Variants in IRF2 observed in about 807,000 individuals in gnomAD.
The protein encoded by IRF2 is interferon regulatory factor 2.
IRF2 carries 15 observed loss-of-function variants against 40.6 expected under a neutral mutation model. That is an observed-to-expected ratio of 0.37 (90% CI 0.25 to 0.57). The LOEUF (loss-of-function observed/expected upper bound fraction) is 0.57, where lower values mean the gene tolerates loss of function less well. IRF2 is among the 20% of genes least tolerant of loss of function. The probability of loss-of-function intolerance (pLI) is 0.77; values close to 1 mark genes in which losing one functional copy is unlikely to be tolerated. For missense variants in IRF2, 317 were observed against 455.7 expected (o/e 0.70, Z 2.77); for synonymous variants, 151 against 165.5 (o/e 0.91, Z 0.67).
At position 184,424,121 on chromosome 4, in the gene IRF2, C is replaced by CAAA. The variant is rs1737584011; in HGVS notation, c.88-4554_88-4553insTTT. 2.0e-5 allele frequency among the ~76,000 whole-genome samples: 3 copies of CAAA among 152,234 alleles called. No homozygotes were observed. In the South Asian group the frequency reaches 6.2e-4, roughly 32 times the overall value. ...AAATATTCATACATCTAGATACAGGCATATGAAAATTTGCTATCCTATTTC... is the reference window on the plus strand; with the variant it reads ...AAATATTCATACATCTAGATACAGGCAAAATATGAAAATTTGCTATCCTATTTC... On this transcript the variant is annotated intron_variant, in intron 2 of 8. Transcript: ENST00000393593.
At chr4:184,426,704 A>G (rs544562163) in intron 2 of IRF2, among the ~76,000 whole-genome samples, 2 of 152,326 alleles carry the variant, frequency 1.3e-5, no homozygotes, top group East Asian at 3.9e-4. Flanking sequence ...CACCTGCTCA[A>G]CAGGAGAGGT....
rs571607656 is a variant in IRF2 at position 184,448,694 on chromosome 4, T to C, written c.-6-19624A>G. The C allele has an allele frequency of 6.6e-6, 1 of 152,314 alleles. No individual in the cohort carries two copies. Among genetic ancestry groups the C allele is most frequent in the South Asian group, 2.1e-4 (1 of 4,828 alleles). The allele number at this position is 152,314 out of a possible 1,614,324, so 9.4% of individuals were successfully genotyped here. On this transcript the variant is annotated intron_variant, in intron 1 of 8. Coordinates refer to ENST00000393593, the MANE Select transcript of IRF2 (RefSeq NM_002199.4). The surrounding 1 kb of genome is among the most constrained non-coding windows in gnomAD (Gnocchi z 4.3). ...AGAAGTGCCATCGCTGGGTCACTGA[T>C]AGATTTGCAAATTGTAGATGTTTGT... is the stretch of plus-strand genomic sequence containing the variant.
chr4:184,423,279 CCCA>C (rs1737547833), intron 2 of IRF2, among the ~76,000 whole-genome samples: 1 of 152,192 alleles, frequency 6.6e-6, no homozygotes, highest in African/African-American at 2.4e-5. Flanking sequence ...CATGCCAGGG[CCCA>C]CCATTTGTAC....
At chr4:184,461,759 A>T (rs1739157145) in intron 1 of IRF2, among the ~76,000 whole-genome samples, 1 of 146,116 alleles carries the variant, frequency 6.8e-6, no homozygotes, top group African/African-American at 2.5e-5. Flanking sequence ...AAAAATCGCA[A>T]TGCATTAAAA....
chr4:184,442,821 CTGTT>C (rs1304636512), intron 1 of IRF2, among the ~76,000 whole-genome samples: 1 of 129,178 alleles, frequency 7.7e-6, no homozygotes, highest in Non-Finnish European at 1.5e-5. Context: ...TCTCTCAGCC[CTGTT>C]TGTTTTTTAC....
At chr4:184,473,120 T>A (rs917392968) in intron 1 of IRF2, among the ~76,000 whole-genome samples, 2 of 151,662 alleles carry the variant, frequency 1.3e-5, no homozygotes, top group Admixed American at 1.3e-4. Context: ...GGGCGAGCCC[T>A]ACCGGCGAGG....
rs1321519797 is a variant in IRF2, at chr4:184,388,403, TA to T, written c.*354del. The T allele has an allele frequency of 2.4e-5, 6 of 248,608 alleles. No individual in the cohort carries two copies. Among genetic ancestry groups the T allele is most frequent in the African/African-American group, 4.6e-5 (2 of 43,052 alleles). 15.4% of individuals were successfully genotyped at this position (248,608 alleles called of 1,614,324 possible). A position where few individuals can be genotyped will look rare whatever the true frequency, so the allele number is the denominator to read the frequency against. ...CTGCCTATGTACATATTCACAAGAA[TA>T]AAAAATTCCAGCTAGTTCACATTAT... On this transcript the variant is annotated 3_prime_UTR_variant, in exon 9 of 9. Transcript: ENST00000393593. The surrounding 1 kb of genome is among the most constrained non-coding windows in gnomAD (Gnocchi z 4.6).
intron 2 of IRF2, among the ~76,000 whole-genome samples, chr4:184,421,683 C>A (rs778866793): frequency 7.6e-4 from 115 of 152,084 alleles, no homozygotes; most frequent in Non-Finnish European, 1.5e-3. Context: ...AAAATTGATA[C>A]AGATAAAGTA....
intron 1 of IRF2, among the ~76,000 whole-genome samples, chr4:184,430,604 T>A (rs142898174): frequency 1.3e-5 from 2 of 152,342 alleles, no homozygotes; most frequent in Non-Finnish European, 2.9e-5. Flanking sequence ...GTAAAGTCTT[T>A]CATCTTATCC....
intron 5 of IRF2, among the ~76,000 whole-genome samples, chr4:184,412,116 C>T (rs1737099653): frequency 6.6e-6 from 1 of 151,464 alleles, no homozygotes; most frequent in Non-Finnish European, 1.5e-5. Context: ...TTGTAGAATC[C>T]AAGGATTGAT....
At chr4:184,460,657 ATG>A (rs1491379817) in intron 1 of IRF2, among the ~76,000 whole-genome samples, 79 of 122,176 alleles carry the variant, frequency 6.5e-4, no homozygotes, top group Non-Finnish European at 1.2e-3. Flanking sequence ...ACACACACAC[ATG>A]CACGCGCACA....
intron 1 of IRF2, among the ~76,000 whole-genome samples, chr4:184,437,869 C>T (rs573653527): frequency 4.0e-5 from 6 of 151,576 alleles, no homozygotes; most frequent in South Asian, 2.1e-4. Flanking sequence ...CGATGACACG[C>T]GTATAGGAAT....
At chr4:184,417,577 G>A (rs1192046446) in intron 5 of IRF2, among the ~76,000 whole-genome samples, 3 of 152,168 alleles carry the variant, frequency 2.0e-5, no homozygotes, top group South Asian at 4.1e-4. Flanking sequence ...GAGTTCAGAC[G>A]ACACAGCCTA....
intron 2 of IRF2, among the ~76,000 whole-genome samples, chr4:184,423,770 G>A (rs1737566029): frequency 6.6e-6 from 1 of 152,084 alleles, no homozygotes; most frequent in African/African-American, 2.4e-5. Flanking sequence ...GTCTCAACAA[G>A]TCAATGGCGA....
rs991860788 is a variant in IRF2, at chr4:184,388,527, A to G, written c.*231T>C. On this transcript the variant is annotated 3_prime_UTR_variant, in exon 9 of 9. Transcript: ENST00000393593. This position sits in a 1 kb window ranked among gnomAD's most constrained non-coding sequence, Gnocchi z 4.6. ...TGTTGGTCCTTGAACTTGAGTGAGT[A>G]GCCCTGGGAGATCCAGCAGGCTCTA... 5 of 512,390 alleles carry G rather than the reference A, an allele frequency of 9.8e-6. No homozygotes were observed. Among genetic ancestry groups the G allele is most frequent in the Admixed American group, 3.9e-5 (1 of 25,412 alleles). The allele number at this position is 512,390 out of a possible 1,614,324, so 31.7% of individuals were successfully genotyped here. A position where few individuals can be genotyped will look rare whatever the true frequency, so the allele number is the denominator to read the frequency against.
Position 184,413,695 on chromosome 4 carries a change from C to T in IRF2, c.411+4472G>A, listed in dbSNP as rs1443597261. 6.6e-6 allele frequency among the ~76,000 whole-genome samples: 1 copy of T among 152,240 alleles called. No individual in the cohort carries two copies. The highest frequency in any genetic ancestry group is 2.4e-5 in the African/African-American group (1 of 41,472). ...TTTCCAAGCGACTTTGGCAGCCCTT[C>T]CCAATTCTGTCTCCTTCATAACACT... On this transcript the variant is annotated intron_variant, in intron 5 of 8. Coordinates refer to ENST00000393593, the MANE Select transcript of IRF2 (RefSeq NM_002199.4). The surrounding 1 kb of genome is among the most constrained non-coding windows in gnomAD (Gnocchi z 4.2).
At chr4:184,399,950 C>G (rs1368174522) in intron 6 of IRF2, among the ~76,000 whole-genome samples, 3 of 152,204 alleles carry the variant, frequency 2.0e-5, no homozygotes, top group Non-Finnish European at 2.9e-5. Flanking sequence ...TCAACTTCTT[C>G]CAATGGTTAT....
At chr4:184,406,510 G>A (rs1021068456) in intron 6 of IRF2, among the ~76,000 whole-genome samples, 1 of 152,106 alleles carries the variant, frequency 6.6e-6, no homozygotes, top group Non-Finnish European at 1.5e-5. Flanking sequence ...TTACAGGCAT[G>A]AGCCACCGCG....
chr4:184,412,708 C>T (rs1737122024), intron 5 of IRF2, among the ~76,000 whole-genome samples: 2 of 152,086 alleles, frequency 1.3e-5, no homozygotes, highest in Non-Finnish European at 2.9e-5. Flanking sequence ...CCAGAACCAC[C>T]TTCCTTCTGC....
Sources: allele counts gnomAD v4.1 joint callset (sites outside exome capture counted in the v4.1 genomes callset), GRCh38; gene constraint gnomAD v4.1.1; non-coding constraint Gnocchi (gnomAD v3.1); transcripts MANE v1.5; gene names NCBI Gene and HGNC (gene_info 2026-07-23, HGNC 2026-07-21).